NTAN1: variants seen among roughly 807,000 people sequenced by gnomAD.
The protein encoded by NTAN1 is N-terminal asparagine amidase.
NTAN1 carries 32 observed loss-of-function variants against 41.9 expected under a neutral mutation model. The ratio of observed to expected loss-of-function variants is 0.76; its 90% CI spans 0.58 to 1.03. NTAN1 has a LOEUF of 1.03. Among genes scored for constraint, NTAN1 ranks in the 50% least tolerant of loss-of-function variants. The pLI is 0.00. For missense variants in NTAN1, 377 were observed against 377.5 expected (o/e 1.00, Z 0.01); for synonymous variants, 140 against 139.5 (o/e 1.00, Z -0.03).
chr16:15,041,043 C>G, intron 7 of NTAN1, 25 bp downstream of exon 7: 1 of 1,549,492 alleles, frequency 6.5e-7, no homozygotes, highest in Non-Finnish European at 8.9e-7. Context: ...AAGACTCCAA[C>G]CCACAAAAGA....
chr16:15,038,541 G>T, intron 9 of NTAN1, 33 bp downstream of exon 9: 2 of 1,194,864 alleles, frequency 1.7e-6, no homozygotes, highest in Non-Finnish European at 2.5e-6. Context: ...AGGGTGCAGA[G>T]ATTTAAGACT....
chr16:15,052,802 G>A (rs1567773657), intron 1 of NTAN1, among the ~76,000 whole-genome samples: 1 of 151,986 alleles, frequency 6.6e-6, no homozygotes, highest in African/African-American at 2.4e-5. Context: ...TCCAGCCTGG[G>A]TGACAGAGCA....
rs2044480349 is a variant in NTAN1, at chr16:15,055,654, CCT to C, written c.81+235_81+236del. The C allele has an allele frequency of 2.3e-5, 8 of 353,752 alleles. No homozygotes were observed. The Admixed American group carries it at 3.3e-4, about 15-fold the overall frequency. The allele number at this position is 353,752 out of a possible 1,614,324, so 21.9% of individuals were successfully genotyped here. On this transcript the variant is annotated intron_variant, in intron 1 of 9. Coordinates refer to ENST00000287706, the MANE Select transcript of NTAN1 (RefSeq NM_173474.4). ...GTGCGACCTTGGGCAAGTCACCTAA[CCT>C]CTCTGGGCCCCCGTCCCCTCCCTTG...
chr16:15,055,364 G>A (rs1242021509), intron 1 of NTAN1, among the ~76,000 whole-genome samples: 3 of 152,190 alleles, frequency 2.0e-5, no homozygotes, highest in East Asian at 3.8e-4. Context: ...AAAATAACTC[G>A]GCGCCCTACG....
At position 15,038,695 on chromosome 16, in the gene NTAN1, A is replaced by G. The variant is rs765105087; in HGVS notation, c.640-8T>C. ...ATCATAAATGCTAATCATCTAAAAA[A>G]GAACGTGTCAAGGATAGAATTTCAG... On this transcript the variant is annotated splice_polypyrimidine_tract_variant and splice_region_variant and intron_variant, in intron 8 of 9. Coordinates refer to ENST00000287706, the MANE Select transcript of NTAN1 (RefSeq NM_173474.4). 1 of 1,460,040 alleles carries G rather than the reference A, an allele frequency of 6.8e-7. No individual in the cohort carries two copies. Among genetic ancestry groups the G allele is most frequent in the East Asian group, 2.3e-5 (1 of 44,056 alleles). The allele number at this position is 1,460,040 out of a possible 1,614,324, so 90.4% of individuals were successfully genotyped here.
At chr16:15,040,986 G>GT in intron 7 of NTAN1, 82 bp downstream of exon 7, 1 of 932,982 alleles carries the variant, frequency 1.1e-6, no homozygotes. Context: ...CCTGACAGCA[G>GT]TGGGGTCATT....
intron 1 of NTAN1, among the ~76,000 whole-genome samples, chr16:15,051,414 G>A (rs1194116228): frequency 1.3e-5 from 2 of 152,126 alleles, no homozygotes; most frequent in East Asian, 1.9e-4. Context: ...GTGCAGCGGC[G>A]AGATCGTGGC....
chr16:15,041,806 C>T lies in NTAN1; in HGVS notation c.434-130G>A, dbSNP rs2043827696. ...TGCTCCGCCCTACAGCCCGCGCCCA[C>T]ACTGCCACAGCCTGGCCTATGGGGC... On this transcript the variant is annotated intron_variant, in intron 5 of 9. Coordinates refer to ENST00000287706, the MANE Select transcript of NTAN1 (RefSeq NM_173474.4). 5.6e-6 allele frequency: 4 copies of T among 720,260 alleles called. No homozygotes were observed. The Admixed American group carries it at 5.7e-5, about 10-fold the overall frequency. The allele number at this position is 720,260 out of a possible 1,614,324, so 44.6% of individuals were successfully genotyped here.
intron 3 of NTAN1, 141 bp downstream of exon 3, chr16:15,047,714 A>C (rs2044132145): frequency 7.8e-6 from 7 of 897,530 alleles, no homozygotes; most frequent in Non-Finnish European, 1.3e-5. Context: ...CCAGGACACC[A>C]GGGAGACACC....
chr16:15,053,886 T>C (rs1023005071), intron 1 of NTAN1, among the ~76,000 whole-genome samples: 3 of 152,218 alleles, frequency 2.0e-5, no homozygotes, highest in Non-Finnish European at 2.9e-5. Flanking sequence ...CAATCCAGCC[T>C]GGGCCACAGA....
intron 5 of NTAN1, 49 bp from the exon 6 acceptor site, chr16:15,041,725 C>T: frequency 7.4e-7 from 1 of 1,352,434 alleles, no homozygotes; most frequent in African/African-American, 1.4e-5. Flanking sequence ...CCTCTAGTTA[C>T]CAGAACAAAC....
intron 5 of NTAN1, among the ~76,000 whole-genome samples, chr16:15,043,443 G>A (rs2043914435): frequency 6.6e-6 from 1 of 152,218 alleles, no homozygotes; most frequent in Admixed American, 6.5e-5. Context: ...TTGGGAGGCT[G>A]AGGAGGGAGG....
At chr16:15,047,146 G>A in intron 4 of NTAN1, 1 of 432,686 alleles carries the variant, frequency 2.3e-6, no homozygotes, top group Non-Finnish European at 4.2e-6. Flanking sequence ...ACCACACCCG[G>A]GGGAGAGCAA....
intron 1 of NTAN1, among the ~76,000 whole-genome samples, chr16:15,050,031 G>T (rs1182553677): frequency 3.3e-5 from 5 of 152,148 alleles, no homozygotes; most frequent in Non-Finnish European, 1.5e-5. Context: ...ATTTCCTGTT[G>T]CTGTTGTCCT....
chr16:15,040,129 CTTACATT>C (rs2043744744), intron 7 of NTAN1, 63 bp from the exon 8 acceptor site: 2 of 871,724 alleles, frequency 2.3e-6, no homozygotes, highest in Admixed American at 4.0e-5. Flanking sequence ...TCTGCACAGT[CTTACATT>C]TCTACCACCA....
At chr16:15,052,282 C>T (rs923227359) in intron 1 of NTAN1, among the ~76,000 whole-genome samples, 1 of 152,146 alleles carries the variant, frequency 6.6e-6, no homozygotes, top group African/African-American at 2.4e-5. Flanking sequence ...AATACCATTT[C>T]CCATGTTACA....
Position 15,055,968 on chromosome 16 carries a change from G to C in NTAN1, c.4C>G (p.Pro2Ala). Reference sequence around the variant, plus strand: ...ACTCGCCGCCCCTCGACGAGCAGCGGCATCGCGGAGGCGGCCGCCCAGGCA... The same window carrying C: ...ACTCGCCGCCCCTCGACGAGCAGCGCCATCGCGGAGGCGGCCGCCCAGGCA... MPLLVEGRRVRL... is the reference protein window; with the variant it reads MALLVEGRRVRL... The change falls in exon 1 of 10, where the codon CCG becomes GCG. Residue 2 changes from proline to alanine, a missense_variant. By Grantham distance (27) the Pro-to-Ala change is conservative. Coordinates refer to ENST00000287706, the MANE Select transcript of NTAN1 (RefSeq NM_173474.4). 8.2e-7 allele frequency: 1 copy of C among 1,223,894 alleles called. No individual in the cohort carries two copies. The highest frequency in any genetic ancestry group is 1.0e-6 in the Non-Finnish European group (1 of 982,538). The allele number at this position is 1,223,894 out of a possible 1,614,324, so 75.8% of individuals were successfully genotyped here. A position where few individuals can be genotyped will look rare whatever the true frequency, so the allele number is the denominator to read the frequency against.
At chr16:15,047,368 A>T (rs1403044332) in intron 4 of NTAN1, 74 bp downstream of exon 4, 15 of 975,202 alleles carry the variant, frequency 1.5e-5, no homozygotes, top group Non-Finnish European at 2.2e-5. Context: ...TTCCCCTAAC[A>T]GCTTCCACAG....
Position 15,044,350 on chromosome 16 carries a change from G to C in NTAN1, c.417C>G (p.Leu139=). The stretch of plus-strand genomic sequence containing the variant: ...TGAACTTACTAAGAAGTTGATGAGT[G>C]AGTTTTTGTGACAACTGCCTGTCGT... The part of the protein sequence containing the change: ...FSDDRQLSQK[L]THQLLSEFDR... Residue 139 remains leucine, a synonymous_variant, in exon 5 of 10, where the codon CTC becomes CTG. Coordinates refer to ENST00000287706, the MANE Select transcript of NTAN1 (RefSeq NM_173474.4). 2 of 1,610,602 alleles carry C rather than the reference G, an allele frequency of 1.2e-6. No homozygotes were observed. The highest frequency in any genetic ancestry group is 1.7e-6 in the Non-Finnish European group (2 of 1,176,892).
Sources: gnomAD v4.1 joint callset for allele counts (sites outside exome capture counted in the v4.1 genomes callset) on GRCh38, gnomAD v4.1.1 for gene constraint, MANE v1.5 for transcripts, NCBI Gene and HGNC (gene_info 2026-07-23, HGNC 2026-07-21) for gene names.